Variants in FXYD5 observed in about 807,000 individuals in gnomAD.
FXYD5 encodes FXYD domain containing ion transport regulator 5, also known as FXYD domain-containing ion transport regulator 5.
Under a neutral mutation model 25.7 loss-of-function variants are expected in FXYD5, and 21 were observed. The ratio of observed to expected loss-of-function variants is 0.82; its 90% CI spans 0.58 to 1.18. The LOEUF (loss-of-function observed/expected upper bound fraction) is 1.18. Among genes scored for constraint, FXYD5 ranks in the 50% most tolerant of loss-of-function variants. The pLI is 0.00. For synonymous variants in FXYD5, 101 were observed against 90.7 expected (o/e 1.11, Z -0.64); for missense variants, 229 against 227.7 (o/e 1.01, Z -0.04).
chr19:35,156,756 A>G (rs1318489683), intron 2 of FXYD5: 1 of 152,764 alleles, frequency 6.5e-6, no homozygotes, highest in Non-Finnish European at 1.5e-5. Context: ...CTTTGCTTTT[A>G]TGTGGAGTGA....
At chr19:35,160,382 T>C (rs1043454577) in intron 4 of FXYD5, among the ~76,000 whole-genome samples, 8 of 152,070 alleles carry the variant, frequency 5.3e-5, no homozygotes, top group African/African-American at 1.7e-4. Context: ...GGAGTTTTGC[T>C]CTTGTTGCCC....
At chr19:35,160,993 C>T (rs2065399733) in intron 5 of FXYD5, among the ~76,000 whole-genome samples, 192 bp downstream of exon 5, 1 of 152,138 alleles carries the variant, frequency 6.6e-6, no homozygotes, top group Non-Finnish European at 1.5e-5. Context: ...TTCTTTGTGG[C>T]AGGACTTCTG....
At position 35,169,787 on chromosome 19, in the gene FXYD5, C is replaced by T. The variant is rs1267078744; in HGVS notation, c.*172C>T. On this transcript the variant is annotated 3_prime_UTR_variant, in exon 9 of 9. Coordinates refer to ENST00000392219, the MANE Select transcript of FXYD5 (RefSeq NM_014164.6). Reference sequence around the variant, plus strand: ...GGTCCGAGTCTCCTACCTCCCCCAACCCTGCCCGCCCCTGAAGGCTACCTG... The same window carrying T: ...GGTCCGAGTCTCCTACCTCCCCCAATCCTGCCCGCCCCTGAAGGCTACCTG... The T allele has an allele frequency of 4.9e-6, 3 of 607,780 alleles. No homozygotes were observed. Among genetic ancestry groups the T allele is most frequent in the Non-Finnish European group, 8.8e-6 (3 of 340,012 alleles). The allele number at this position is 607,780 out of a possible 1,614,324, so 37.6% of individuals were successfully genotyped here.
chr19:35,160,044 A>G, intron 4 of FXYD5: 1 of 171,210 alleles, frequency 5.8e-6, no homozygotes, highest in Non-Finnish European at 1.2e-5. Context: ...TATTCTCTAC[A>G]AAAAGTACAA....
intron 8 of FXYD5, among the ~76,000 whole-genome samples, chr19:35,167,197 T>G (rs1291939615): frequency 6.6e-6 from 1 of 152,164 alleles, no homozygotes; most frequent in Non-Finnish European, 1.5e-5. Context: ...TAGAGTGATA[T>G]CTCTGGAGGT....
chr19:35,157,183 C>T (rs950252916), intron 2 of FXYD5, among the ~76,000 whole-genome samples: 2 of 152,146 alleles, frequency 1.3e-5, no homozygotes, highest in Non-Finnish European at 2.9e-5. Context: ...CACCTGGGCT[C>T]ACTAGACTAA....
intron 8 of FXYD5, 54 bp from the exon 9 acceptor site, chr19:35,169,512 G>T (rs540907822): frequency 9.6e-6 from 13 of 1,354,580 alleles, no homozygotes; most frequent in Middle Eastern, 3.5e-4. Flanking sequence ...CACAACACAC[G>T]ATAAGAATCA....
At chr19:35,166,701 AAGAT>A (rs2065454316) in intron 8 of FXYD5, 1 of 323,760 alleles carries the variant, frequency 3.1e-6, no homozygotes, top group Non-Finnish European at 5.6e-6. Context: ...GCAGGGATCT[AAGAT>A]AGAGTGAATG....
At chr19:35,155,736 C>T (rs141847432) in intron 2 of FXYD5, 125 bp downstream of exon 2, 170 of 750,620 alleles carry the variant, frequency 2.3e-4, no homozygotes, top group Admixed American at 1.2e-3. Flanking sequence ...CCCGCTGAGC[C>T]GGCACCAGGA....
chr19:35,157,224 G>T (rs998632930), intron 2 of FXYD5, among the ~76,000 whole-genome samples, 197 bp from the exon 3 acceptor site: 1 of 152,150 alleles, frequency 6.6e-6, no homozygotes, highest in Non-Finnish European at 1.5e-5. Flanking sequence ...GGGATGGGCG[G>T]GGAGGGGGAC....
chr19:35,156,421 C>T (rs1457747834), intron 2 of FXYD5, among the ~76,000 whole-genome samples: 3 of 152,190 alleles, frequency 2.0e-5, no homozygotes, highest in Non-Finnish European at 4.4e-5. Context: ...AGGTCACACT[C>T]TAGTGGAGAG....
chr19:35,159,689 C>A, intron 4 of FXYD5: 1 of 1,507,150 alleles, frequency 6.6e-7, no homozygotes, highest in Non-Finnish European at 8.9e-7. Flanking sequence ...AAATATTTTG[C>A]GTATGTTAAC....
In FXYD5 at chr19:35,164,817, C is replaced by T. The variant is rs893794113; in HGVS notation, c.382+572C>T. Among the ~76,000 whole-genome samples the T allele has an allele frequency of 4.6e-5, 7 of 152,258 alleles. No homozygotes were observed. In the South Asian group the frequency reaches 1.5e-3, roughly 32 times the overall value. ...GTGAACAAGCCAGAAAAAATCTCTGCCCTCATGGAACTACTATTCTAGTGG... is the reference window on the plus strand; with the variant it reads ...GTGAACAAGCCAGAAAAAATCTCTGTCCTCATGGAACTACTATTCTAGTGG... On this transcript the variant is annotated intron_variant, in intron 6 of 8. Coordinates refer to ENST00000392219, the MANE Select transcript of FXYD5 (RefSeq NM_014164.6).
chr19:35,155,329 TTTC>T (rs2065342797), intron 1 of FXYD5: 1 of 588,570 alleles, frequency 1.7e-6, no homozygotes, highest in African/African-American at 1.9e-5. Flanking sequence ...TGCTTCTTGT[TTTC>T]TTTGGGGACC....
intron 5 of FXYD5, among the ~76,000 whole-genome samples, chr19:35,161,770 A>G (rs1280411487): frequency 6.6e-6 from 1 of 152,230 alleles, no homozygotes; most frequent in Non-Finnish European, 1.5e-5. Context: ...GATGATCCTT[A>G]TTTGAGGGGC....
At chr19:35,155,457 T>G in intron 1 of FXYD5, 94 bp from the exon 2 acceptor site, 1 of 1,048,406 alleles carries the variant, frequency 9.5e-7, no homozygotes, top group Non-Finnish European at 1.5e-6. Flanking sequence ...AGGTTTTTGC[T>G]CAGGGCAGGG....
chr19:35,158,503 C>T, intron 4 of FXYD5, 103 bp downstream of exon 4: 1 of 740,230 alleles, frequency 1.4e-6, no homozygotes, highest in Non-Finnish European at 2.5e-6. Flanking sequence ...TCAGTCCCTA[C>T]TCCCAGCTCT....
intron 8 of FXYD5, among the ~76,000 whole-genome samples, chr19:35,169,150 C>T (rs2065476354): frequency 6.6e-6 from 1 of 152,152 alleles, no homozygotes; most frequent in Admixed American, 6.5e-5. Context: ...CTCCATGCCT[C>T]CTTCCTGGCC....
intron 4 of FXYD5, among the ~76,000 whole-genome samples, chr19:35,159,362 C>T (rs1220878053): frequency 6.6e-6 from 1 of 152,194 alleles, no homozygotes; most frequent in Non-Finnish European, 1.5e-5. Context: ...AGAAAATGCA[C>T]TGACTGTGTG....
Sources: allele counts gnomAD v4.1 joint callset (sites outside exome capture counted in the v4.1 genomes callset), GRCh38; gene constraint gnomAD v4.1.1; transcripts MANE v1.5; gene names NCBI Gene and HGNC (gene_info 2026-07-23, HGNC 2026-07-21).